TRPC7: variants seen among roughly 807,000 people sequenced by gnomAD.
TRPC7 encodes the protein short transient receptor potential channel 7.
A neutral mutation model predicts 90.1 loss-of-function variants in TRPC7; 42 were observed. The observed-to-expected ratio is 0.47, with a 90% confidence interval of 0.36 to 0.60. The LOEUF (loss-of-function observed/expected upper bound fraction) is 0.60. Ranked by LOEUF, TRPC7 falls within the 20% of genes least tolerant of loss-of-function variation. TRPC7 has a pLI of 0.00. For synonymous variants in TRPC7, 451 were observed against 436.3 expected, an observed-to-expected ratio of 1.03 and a Z score of -0.42; for missense variants, 955 against 1,112.3, an observed-to-expected ratio of 0.86 and a Z score of 2.01.
chr5:136,287,126 G>C (rs1373532268), intron 3 of TRPC7, among the ~76,000 whole-genome samples: 1 of 152,024 alleles, frequency 6.6e-6, no homozygotes, highest in Non-Finnish European at 1.5e-5. Flanking sequence ...TGTATGTCTG[G>C]GTGTCTGAAT....
At chr5:136,316,095 T>G in intron 2 of TRPC7, 1 of 261,812 alleles carries the variant, frequency 3.8e-6, no homozygotes, top group Non-Finnish European at 7.2e-6. Flanking sequence ...TGAGTCAGAA[T>G]ACCTGGTGGT....
chr5:136,239,603 T>C (rs940775311), intron 7 of TRPC7, among the ~76,000 whole-genome samples: 8 of 152,182 alleles, frequency 5.3e-5, no homozygotes, highest in African/African-American at 1.2e-4. Context: ...TATGACGTAT[T>C]TCAGCCTGGG....
chr5:136,225,973 T>C, intron 9 of TRPC7, 61 bp downstream of exon 9: 1 of 1,442,030 alleles, frequency 6.9e-7, no homozygotes, highest in Non-Finnish European at 9.5e-7. Context: ...TCAAACACAC[T>C]CTAGACTCGC....
intron 2 of TRPC7, among the ~76,000 whole-genome samples, chr5:136,346,035 CCCTGT>C (rs745820547): frequency 6.6e-6 from 1 of 151,996 alleles, no homozygotes; most frequent in Non-Finnish European, 1.5e-5. Context: ...TTTCTGAGGG[CCCTGT>C]TCTGTTCTGT....
At chr5:136,299,005 A>T (rs1758278144) in intron 3 of TRPC7, among the ~76,000 whole-genome samples, 1 of 149,720 alleles carries the variant, frequency 6.7e-6, no homozygotes, top group East Asian at 1.9e-4. Context: ...CTGATTACTT[A>T]AAAAAAAAAT....
At chr5:136,219,996 T>G (rs1755401489) in intron 10 of TRPC7, among the ~76,000 whole-genome samples, 1 of 152,244 alleles carries the variant, frequency 6.6e-6, no homozygotes, top group Admixed American at 6.5e-5. Context: ...GAACATAAAT[T>G]GTGACGATTT....
chr5:136,335,376 G>A (rs1759621432), intron 2 of TRPC7, among the ~76,000 whole-genome samples: 1 of 151,988 alleles, frequency 6.6e-6, no homozygotes, highest in South Asian at 2.1e-4. Flanking sequence ...CCTCCACTTA[G>A]CCCTTGGAGC....
chr5:136,246,258 G>C (rs1327656649), intron 7 of TRPC7, among the ~76,000 whole-genome samples: 1 of 152,220 alleles, frequency 6.6e-6, no homozygotes. Context: ...TGATGCTGCA[G>C]GACTTGCTGG....
chr5:136,287,715 A>ACC (rs1348573305), intron 3 of TRPC7, among the ~76,000 whole-genome samples: 13 of 109,466 alleles, frequency 1.2e-4, no homozygotes, highest in East Asian at 2.4e-4. Flanking sequence ...AAAAAAAAAA[A>ACC]AAAAAAAAAA....
chr5:136,217,078 C>T (rs749282898), intron 10 of TRPC7, among the ~76,000 whole-genome samples: 2 of 152,148 alleles, frequency 1.3e-5, no homozygotes, highest in South Asian at 2.1e-4. Flanking sequence ...AGGGTTCCTG[C>T]GAAATCACAG....
chr5:136,244,376 G>A (rs1208233620), intron 7 of TRPC7, among the ~76,000 whole-genome samples: 3 of 152,142 alleles, frequency 2.0e-5, no homozygotes, highest in African/African-American at 7.2e-5. Flanking sequence ...CTGAGGGAGT[G>A]AGGGACTGTG....
chr5:136,357,335 C>T lies in TRPC7; in HGVS notation c.53G>A (p.Arg18Lys). 1 of 1,605,476 alleles carries T rather than the reference C, an allele frequency of 6.2e-7. No individual in the cohort carries two copies. The highest frequency in any genetic ancestry group is 1.1e-5 in the South Asian group (1 of 91,062). The change falls in exon 2 of 12, where the codon AGG becomes AAG. Residue 18 changes from arginine (R) to lysine (K), a missense_variant. Coordinates refer to ENST00000513104, the MANE Select transcript of TRPC7 (RefSeq NM_020389.3). ...GATGGCCTGGCGACGGCCCTTCTCC[C>T]TCAGCGTTGTGTGCCGGCGCTGCAT... Reference protein sequence around the residue: ...KNMQRRHTTLREKGRRQAIRG... With the variant: ...KNMQRRHTTLKEKGRRQAIRG...
intron 7 of TRPC7, among the ~76,000 whole-genome samples, chr5:136,245,338 C>G (rs1018289431): frequency 1.3e-5 from 2 of 152,206 alleles, no homozygotes; most frequent in Non-Finnish European, 2.9e-5. Flanking sequence ...TTCTGTGGTT[C>G]AGCAGCACCA....
At chr5:136,222,740 T>C (rs978144972) in intron 10 of TRPC7, among the ~76,000 whole-genome samples, 4 of 152,206 alleles carry the variant, frequency 2.6e-5, no homozygotes, top group African/African-American at 7.2e-5. Flanking sequence ...ACTACGAAGA[T>C]AAATAATAGG....
intron 1 of TRPC7, among the ~76,000 whole-genome samples, chr5:136,364,151 C>A (rs965421467): frequency 2.6e-5 from 4 of 152,280 alleles, no homozygotes; most frequent in Admixed American, 2.6e-4. Flanking sequence ...TAAGCAAGAG[C>A]TCCTGGTAGC....
At chr5:136,291,123 C>A (rs1423757719) in intron 3 of TRPC7, among the ~76,000 whole-genome samples, 1 of 152,194 alleles carries the variant, frequency 6.6e-6, no homozygotes, top group Non-Finnish European at 1.5e-5. Context: ...GCCTGCCCTA[C>A]AAGAGCTCCT....
At chr5:136,232,581 G>A (rs1755851773) in intron 7 of TRPC7, among the ~76,000 whole-genome samples, 2 of 152,222 alleles carry the variant, frequency 1.3e-5, no homozygotes, top group Admixed American at 6.5e-5. Context: ...TGCCTTGAAG[G>A]CAGTTCAGGT....
chr5:136,274,221 T>G (rs1757290485), intron 4 of TRPC7, among the ~76,000 whole-genome samples: 1 of 152,204 alleles, frequency 6.6e-6, no homozygotes, highest in Non-Finnish European at 1.5e-5. Flanking sequence ...ACCTACTTCA[T>G]AAAGCATACA....
At chr5:136,307,730 T>TG (rs1245103772) in intron 3 of TRPC7, among the ~76,000 whole-genome samples, 1 of 152,098 alleles carries the variant, frequency 6.6e-6, no homozygotes, top group East Asian at 1.9e-4. Flanking sequence ...CAGCCTATAA[T>TG]GCACGGGGGA....
Sources: allele counts gnomAD v4.1 joint callset (sites outside exome capture counted in the v4.1 genomes callset), GRCh38; gene constraint gnomAD v4.1.1; transcripts MANE v1.5; gene names NCBI Gene and HGNC (gene_info 2026-07-23, HGNC 2026-07-21).